BMPR1B: variants seen among roughly 807,000 people sequenced by gnomAD.
BMPR1B encodes bone morphogenetic protein receptor type 1B.
Under a neutral mutation model 59.1 loss-of-function variants are expected in BMPR1B, and 12 were observed. That is an observed-to-expected ratio of 0.20 (90% CI 0.13 to 0.33). The LOEUF is 0.33. BMPR1B is among the 10% of genes least tolerant of loss of function. BMPR1B has a pLI of 1.00. For synonymous variants in BMPR1B, 237 were observed against 207.3 expected, an observed-to-expected ratio of 1.14 and a Z score of -1.23; for missense variants, 550 against 610.9, an observed-to-expected ratio of 0.90 and a Z score of 1.05.
Position 95,157,427 on chromosome 4 carries a change from T to TC in BMPR1B, c.*2754_*2755insC, listed in dbSNP as rs1244183635. 9.9e-5 allele frequency: 15 copies of TC among 152,084 alleles called. No homozygotes were observed. The highest frequency in any genetic ancestry group is 3.4e-4 in the African/African-American group (14 of 41,436). 9.4% of individuals were successfully genotyped at this position (152,084 alleles called of 1,614,324 possible). On this transcript the variant is annotated 3_prime_UTR_variant, in exon 13 of 13. Coordinates refer to ENST00000515059, the MANE Select transcript of BMPR1B (RefSeq NM_001203.3). ...AGTGGCTCAGAAGTGAATTTTATTTTATTTGTCTTTCACTTGAATAAATGA... is the reference window on the plus strand; with the variant it reads ...AGTGGCTCAGAAGTGAATTTTATTTTCATTTGTCTTTCACTTGAATAAATGA...
chr4:95,081,458 T>C (rs1729132383), intron 3 of BMPR1B, among the ~76,000 whole-genome samples: 1 of 152,216 alleles, frequency 6.6e-6, no homozygotes, highest in Non-Finnish European at 1.5e-5. Context: ...CAGTATTTAT[T>C]GCCAATGATA....
chr4:95,131,200 CT>C lies in BMPR1B; in HGVS notation c.779-9del. The C allele has an allele frequency of 6.2e-7, 1 of 1,611,098 alleles. No individual in the cohort carries two copies. Among genetic ancestry groups the C allele is most frequent in the South Asian group, 1.1e-5 (1 of 90,880 alleles). ...TTTGGAAAACACTAAACCTTTTCAT[CT>C]TTTTTCCTTTTAGGTTTCATTGCTG... On this transcript the variant is annotated splice_polypyrimidine_tract_variant and intron_variant, in intron 9 of 12. Transcript: ENST00000515059.
intron 1 of BMPR1B, among the ~76,000 whole-genome samples, chr4:94,801,324 A>G (rs1723398375): frequency 6.6e-6 from 1 of 152,212 alleles, no homozygotes; most frequent in Non-Finnish European, 1.5e-5. Flanking sequence ...TATTCCTCTC[A>G]GCTAAAAATA....
At chr4:95,148,132 A>G (rs917968614) in intron 10 of BMPR1B, among the ~76,000 whole-genome samples, 1 of 152,316 alleles carries the variant, frequency 6.6e-6, no homozygotes, top group East Asian at 1.9e-4. Context: ...GAGTAAAACA[A>G]TTGCATGTCT....
At chr4:95,039,224 A>T (rs1357529234) in intron 3 of BMPR1B, among the ~76,000 whole-genome samples, 1 of 152,180 alleles carries the variant, frequency 6.6e-6, no homozygotes, top group Non-Finnish European at 1.5e-5. Context: ...CTTTACCTCC[A>T]TAACTTGAGT....
At chr4:95,034,462 C>A (rs79836647) in intron 3 of BMPR1B, among the ~76,000 whole-genome samples, 1 of 152,000 alleles carries the variant, frequency 6.6e-6, no homozygotes, top group African/African-American at 2.4e-5. Flanking sequence ...CCCCAAAGTC[C>A]ATTATATCAT....
At chr4:94,844,948 C>A (rs552718762) in intron 1 of BMPR1B, among the ~76,000 whole-genome samples, 23 of 152,224 alleles carry the variant, frequency 1.5e-4, no homozygotes, top group Admixed American at 6.5e-4. Context: ...CACCTGGGTC[C>A]TTCTTCAAGG....
chr4:95,102,720 C>T lies in BMPR1B; in HGVS notation c.-17-1688C>T, dbSNP rs1482652217. On this transcript the variant is annotated intron_variant, in intron 3 of 12. Coordinates refer to ENST00000515059, the MANE Select transcript of BMPR1B (RefSeq NM_001203.3). The stretch of plus-strand genomic sequence containing the variant: ...AATGGCTTTCAAGATAAGGCAGTGA[C>T]GTGAACTATTTAACCTCACTTTATT... Among the ~76,000 whole-genome samples the T allele has an allele frequency of 3.3e-5, 5 of 152,052 alleles. No homozygotes were observed. In the East Asian group the frequency reaches 5.8e-4, roughly 18 times the overall value.
intron 2 of BMPR1B, among the ~76,000 whole-genome samples, chr4:94,910,634 A>G (rs959562395): frequency 3.5e-4 from 53 of 152,238 alleles, no homozygotes; most frequent in African/African-American, 1.3e-3. Context: ...CAGGCCAGGT[A>G]TGGTGGCTTA....
At chr4:94,960,086 T>C (rs1000236263) in intron 2 of BMPR1B, among the ~76,000 whole-genome samples, 6 of 151,680 alleles carry the variant, frequency 4.0e-5, no homozygotes, top group Admixed American at 6.6e-5. Context: ...CTATCCGGGA[T>C]GCTTTTGTCT....
intron 1 of BMPR1B, among the ~76,000 whole-genome samples, chr4:94,869,487 C>T (rs934044847): frequency 6.6e-6 from 1 of 152,132 alleles, no homozygotes; most frequent in Admixed American, 6.6e-5. Flanking sequence ...GCTACTTTGT[C>T]TAAATGTTTA....
intron 10 of BMPR1B, among the ~76,000 whole-genome samples, chr4:95,144,104 C>G (rs1199633597): frequency 6.6e-6 from 1 of 152,016 alleles, no homozygotes; most frequent in African/African-American, 2.4e-5. Flanking sequence ...TACCCCCAGG[C>G]TCTCATTAAT....
chr4:94,866,647 T>C (rs1390427390), intron 1 of BMPR1B, among the ~76,000 whole-genome samples: 2 of 152,162 alleles, frequency 1.3e-5, no homozygotes, highest in African/African-American at 4.8e-5. Context: ...TGCAGTGGCA[T>C]GATCTCGGCT....
chr4:94,861,377 G>A (rs1578731530), intron 1 of BMPR1B, among the ~76,000 whole-genome samples: 3 of 152,190 alleles, frequency 2.0e-5, no homozygotes, highest in Admixed American at 2.0e-4. Context: ...AGGCTGATTA[G>A]AATTTGCTAT....
intron 10 of BMPR1B, among the ~76,000 whole-genome samples, chr4:95,143,235 A>AG (rs1734381927): frequency 6.6e-6 from 1 of 152,154 alleles, no homozygotes; most frequent in African/African-American, 2.4e-5. Context: ...CACCAGGCAC[A>AG]GGCAGGAAGG....
At chr4:94,813,247 A>G (rs905163161) in intron 1 of BMPR1B, among the ~76,000 whole-genome samples, 2 of 151,956 alleles carry the variant, frequency 1.3e-5, no homozygotes, top group Admixed American at 6.6e-5. Flanking sequence ...GAGCTGTGGG[A>G]AAAAAAAGGC....
At chr4:94,927,458 T>C (rs1181564143) in intron 2 of BMPR1B, among the ~76,000 whole-genome samples, 1 of 152,072 alleles carries the variant, frequency 6.6e-6, no homozygotes, top group Non-Finnish European at 1.5e-5. Flanking sequence ...GAAAGTAAAA[T>C]CATCATGAAG....
At chr4:95,071,652 G>GTGTGTA (rs59539011) in intron 3 of BMPR1B, among the ~76,000 whole-genome samples, 13 of 84,330 alleles carry the variant, frequency 1.5e-4, no homozygotes, top group Admixed American at 7.1e-4. Context: ...GTGTGTGTGT[G>GTGTGTA]TATATATATA....
chr4:94,990,675 T>TG (rs1721677409), intron 2 of BMPR1B, among the ~76,000 whole-genome samples: 1 of 110,922 alleles, frequency 9.0e-6, no homozygotes, highest in Admixed American at 1.1e-4. Flanking sequence ...TGGAATGAGG[T>TG]TTTGTTGTTG....
Sources: allele counts gnomAD v4.1 joint callset (sites outside exome capture counted in the v4.1 genomes callset), GRCh38; gene constraint gnomAD v4.1.1; transcripts MANE v1.5; gene names NCBI Gene and HGNC (gene_info 2026-07-23, HGNC 2026-07-21).